TMPRSS15: variants seen among roughly 807,000 people sequenced by gnomAD.
TMPRSS15 encodes the protein transmembrane serine protease 15, also known as enteropeptidase.
TMPRSS15 carries 128 observed loss-of-function variants against 125.3 expected under a neutral mutation model. The observed-to-expected ratio is 1.02, with a 90% CI of 0.89 to 1.18. The LOEUF (loss-of-function observed/expected upper bound fraction) is 1.18. Among genes scored for constraint, TMPRSS15 ranks in the 50% most tolerant of loss-of-function variants. TMPRSS15 has a pLI of 0.00. For synonymous variants in TMPRSS15, 446 were observed against 423.2 expected, an observed-to-expected ratio of 1.05 and a Z score of -0.66; for missense variants, 1,283 against 1,212.7, an observed-to-expected ratio of 1.06 and a Z score of -0.86.
intron 10 of TMPRSS15, 148 bp downstream of exon 10, chr21:18,352,755 T>C: frequency 2.5e-6 from 2 of 797,066 alleles, no homozygotes; most frequent in Non-Finnish European, 2.1e-6. Context: ...TGATTACCAT[T>C]TTTCATTTAA....
At chr21:18,453,563 T>C (rs1342879889) in intron 1 of TMPRSS15, among the ~76,000 whole-genome samples, 1 of 152,208 alleles carries the variant, frequency 6.6e-6, no homozygotes, top group Admixed American at 6.5e-5. Context: ...ACTGGAGATT[T>C]AGAGACGAGC....
intron 13 of TMPRSS15, among the ~76,000 whole-genome samples, chr21:18,337,535 C>T (rs996751884): frequency 2.0e-5 from 3 of 152,172 alleles, no homozygotes; most frequent in Non-Finnish European, 2.9e-5. Context: ...TTTGTACCAA[C>T]ATCACAGAGC....
chr21:18,451,538 T>G (rs993898980), intron 1 of TMPRSS15, among the ~76,000 whole-genome samples: 1 of 152,064 alleles, frequency 6.6e-6, no homozygotes, highest in Non-Finnish European at 1.5e-5. Context: ...CAAGAAGCAT[T>G]GAGGTGTTTA....
rs1388284054 is a variant in TMPRSS15, at chr21:18,269,951, T to C, written c.*18A>G. 4 of 1,613,360 alleles carry C rather than the reference T, an allele frequency of 2.5e-6. No homozygotes were observed. The highest frequency in any genetic ancestry group is 3.3e-5 in the Admixed American group (2 of 59,980). On this transcript the variant is annotated 3_prime_UTR_variant, in exon 25 of 25. Coordinates refer to ENST00000284885, the MANE Select transcript of TMPRSS15 (RefSeq NM_002772.3). ...ATGGGAAAATAATGCGACTTTCCTG[T>C]TTAGTTTAAGAAATGCGCTAATGTA...
At chr21:18,349,460 G>C (rs952673676) in intron 10 of TMPRSS15, among the ~76,000 whole-genome samples, 1 of 152,154 alleles carries the variant, frequency 6.6e-6, no homozygotes, top group Non-Finnish European at 1.5e-5. Context: ...AAGTTTATCT[G>C]TTTCATTTAG....
chr21:18,307,719 C>A (rs977202453), intron 18 of TMPRSS15, among the ~76,000 whole-genome samples: 1 of 152,046 alleles, frequency 6.6e-6, no homozygotes, highest in Admixed American at 6.6e-5. Flanking sequence ...ATGTTTCCTT[C>A]CAATTCATTG....
chr21:18,329,752 T>C (rs2075326649), intron 14 of TMPRSS15, among the ~76,000 whole-genome samples: 1 of 151,670 alleles, frequency 6.6e-6, no homozygotes, highest in Non-Finnish European at 1.5e-5. Context: ...TTATTTACAT[T>C]TAGTTCATTA....
In TMPRSS15 at chr21:18,379,321, G is replaced by GA; in HGVS notation, c.497-4dup. ...ATGACTGGTGGTTGTTAGCTTGTCT[G>GA]AAAAATAAATTATATTAAAATAATT... On this transcript the variant is annotated splice_region_variant and splice_polypyrimidine_tract_variant and intron_variant, in intron 4 of 24. Transcript: ENST00000284885. 7.7e-7 allele frequency: 1 copy of GA among 1,290,476 alleles called. No individual in the cohort carries two copies. The highest frequency in any genetic ancestry group is 1.0e-6 in the Non-Finnish European group (1 of 978,204). The allele number at this position is 1,290,476 out of a possible 1,614,324, so 79.9% of individuals were successfully genotyped here.
chr21:18,472,124 GT>G (rs35491030), intron 1 of TMPRSS15, among the ~76,000 whole-genome samples: 13,040 of 152,052 alleles, frequency 0.086, 734 homozygotes, highest in Middle Eastern at 0.17. Flanking sequence ...AAGATGGAAA[GT>G]TTAGGTTATA....
chr21:18,426,809 C>T (rs2076203527), intron 1 of TMPRSS15, among the ~76,000 whole-genome samples: 1 of 152,012 alleles, frequency 6.6e-6, no homozygotes, highest in African/African-American at 2.4e-5. Flanking sequence ...AACGGTTTGT[C>T]AATTAATAGT....
intron 16 of TMPRSS15, among the ~76,000 whole-genome samples, chr21:18,324,681 A>G (rs1474825): frequency 6.6e-6 from 1 of 151,838 alleles, no homozygotes. Flanking sequence ...TTTTCTGTCA[A>G]CTAAAGTTTG....
At chr21:18,343,445 T>A in intron 12 of TMPRSS15, 61 bp downstream of exon 12, 1 of 1,437,274 alleles carries the variant, frequency 7.0e-7, no homozygotes, top group South Asian at 1.2e-5. Flanking sequence ...TGTATCATTC[T>A]AAATATAATT....
chr21:18,289,929 T>A (rs569914553), intron 21 of TMPRSS15, among the ~76,000 whole-genome samples: 2 of 152,348 alleles, frequency 1.3e-5, no homozygotes, highest in South Asian at 4.1e-4. Context: ...ATTTAAAAAA[T>A]GCATCGATTT....
At chr21:18,394,423 A>G (rs1035184031) in intron 3 of TMPRSS15, among the ~76,000 whole-genome samples, 2 of 152,160 alleles carry the variant, frequency 1.3e-5, no homozygotes, top group African/African-American at 4.8e-5. Context: ...AAACAAAAAA[A>G]ATGTGTCATT....
intron 9 of TMPRSS15, 140 bp downstream of exon 9, chr21:18,353,580 AGTT>A (rs1257672697): frequency 2.9e-6 from 2 of 684,404 alleles, no homozygotes; most frequent in East Asian, 5.7e-5. Flanking sequence ...TTTCTTTTTA[AGTT>A]CTAAGAAGAG....
intron 10 of TMPRSS15, among the ~76,000 whole-genome samples, chr21:18,352,235 A>T (rs999722829): frequency 6.6e-6 from 1 of 152,082 alleles, no homozygotes; most frequent in Admixed American, 6.6e-5. Context: ...CTGGTTTCTC[A>T]GCAAAATATT....
At position 18,411,918 on chromosome 21, in the gene TMPRSS15, G is replaced by A. The variant is rs533518345; in HGVS notation, c.11-13589C>T. On this transcript the variant is annotated intron_variant, in intron 1 of 7. Transcript: ENST00000422787. ...GTATTCAAAAATAGACCTGTATTTCGGGGAAGAAACACGAACCAGGCTGGG... is the reference window on the plus strand; with the variant it reads ...GTATTCAAAAATAGACCTGTATTTCAGGGAAGAAACACGAACCAGGCTGGG... 1.2e-4 allele frequency among the ~76,000 whole-genome samples: 19 copies of A among 152,166 alleles called. No individual in the cohort carries two copies. In the South Asian group the frequency reaches 3.7e-3, roughly 30 times the overall value.
intron 13 of TMPRSS15, among the ~76,000 whole-genome samples, chr21:18,338,927 C>T (rs1175475946): frequency 6.6e-6 from 1 of 152,052 alleles, no homozygotes; most frequent in Admixed American, 6.6e-5. Context: ...TACTTTCCTG[C>T]TTTTGCATCC....
At chr21:18,363,278 T>C (rs1391417087) in intron 7 of TMPRSS15, among the ~76,000 whole-genome samples, 1 of 152,058 alleles carries the variant, frequency 6.6e-6, no homozygotes, top group Non-Finnish European at 1.5e-5. Context: ...TTTAAAATAA[T>C]CCATTTATCA....
Sources: allele counts gnomAD v4.1 joint callset (sites outside exome capture counted in the v4.1 genomes callset), GRCh38; gene constraint gnomAD v4.1.1; transcripts MANE v1.5; gene names NCBI Gene and HGNC (gene_info 2026-07-23, HGNC 2026-07-21).